Variants in EYS observed in about 807,000 individuals in gnomAD.
EYS encodes the protein protein eyes shut homolog.
EYS carries 250 observed loss-of-function variants against 282.1 expected under a neutral mutation model. That is an observed-to-expected ratio of 0.89 (90% CI 0.80 to 0.98). The LOEUF is 0.98. EYS is among the 50% of genes least tolerant of loss of function. The pLI, the probability that EYS is intolerant of heterozygous loss-of-function variation, is 0.00. For missense variants in EYS, 4,016 were observed against 3,709.0 expected (o/e 1.08, Z -2.15); for synonymous variants, 1,355 against 1,282.9 (o/e 1.06, Z -1.20).
At chr6:65,226,649 T>C (rs918941062) in intron 12 of EYS, among the ~76,000 whole-genome samples, 1 of 152,146 alleles carries the variant, frequency 6.6e-6, no homozygotes, top group Admixed American at 6.5e-5. Context: ...TGTGGAAACA[T>C]TATGACCTTC....
At chr6:65,588,910 T>C (rs1765143269) in intron 2 of EYS, among the ~76,000 whole-genome samples, 1 of 152,080 alleles carries the variant, frequency 6.6e-6, no homozygotes, top group Admixed American at 6.6e-5. Context: ...GAAATATATA[T>C]GATCTTAGAG....
At chr6:64,176,557 C>A (rs1296565365) in intron 31 of EYS, among the ~76,000 whole-genome samples, 2 of 150,940 alleles carry the variant, frequency 1.3e-5, no homozygotes, top group Non-Finnish European at 3.0e-5. Flanking sequence ...CGTGAAGTTT[C>A]TTTTGAAATT....
chr6:63,915,050 A>G (rs1764386061), intron 35 of EYS, among the ~76,000 whole-genome samples: 1 of 152,202 alleles, frequency 6.6e-6, no homozygotes, highest in African/African-American at 2.4e-5. Context: ...TACACTAAAC[A>G]ATAGATTTTT....
rs548314991 is a variant in EYS, at chr6:64,928,815, A to T, written c.2382-16072T>A. 8.1e-4 allele frequency among the ~76,000 whole-genome samples: 124 copies of T among 152,240 alleles called. 1 individual carries two copies. The East Asian group carries it at 0.021, about 25-fold the overall frequency. ...CTATGTGAAATAATGAGATAACCTA[A>T]TACGGAATGATTTTTTTCTAACTAC... On this transcript the variant is annotated intron_variant, in intron 15 of 42. Transcript: ENST00000503581.
rs541980946 is a variant in EYS, at chr6:64,961,316, A to T, written c.2260-15402T>A. Among the ~76,000 whole-genome samples, 5 of 152,150 alleles carry T rather than the reference A, an allele frequency of 3.3e-5. No individual in the cohort carries two copies. In the South Asian group the frequency reaches 1.0e-3, roughly 32 times the overall value. On this transcript the variant is annotated intron_variant, in intron 14 of 42. Transcript: ENST00000503581. ...TGTTTCCCAAAGGAACATTTTGGTC[A>T]GTGGTGTTGTATGTATCTGTTGTTG... is the stretch of plus-strand genomic sequence containing the variant.
intron 14 of EYS, among the ~76,000 whole-genome samples, chr6:64,985,015 T>C (rs1057117100): frequency 1.3e-5 from 2 of 151,500 alleles, no homozygotes; most frequent in African/African-American, 4.8e-5. Flanking sequence ...CCTTGACATA[T>C]ATTAATTTTC....
intron 36 of EYS, among the ~76,000 whole-genome samples, chr6:63,827,861 A>ATAAAAT (rs1771517369): frequency 4.2e-5 from 6 of 143,524 alleles, no homozygotes; most frequent in Admixed American, 2.7e-4. Flanking sequence ...AAAAAAAAAA[A>ATAAAAT]AAAAAAAAAA....
chr6:65,693,639 G>T (rs1330167137), intron 1 of EYS, among the ~76,000 whole-genome samples: 4 of 149,892 alleles, frequency 2.7e-5, no homozygotes. Context: ...GAAAATTATA[G>T]AATTTCAAGT....
At chr6:65,312,537 C>G (rs1346762358) in intron 11 of EYS, among the ~76,000 whole-genome samples, 1 of 152,164 alleles carries the variant, frequency 6.6e-6, no homozygotes, top group Non-Finnish European at 1.5e-5. Context: ...CATTCTATCC[C>G]CTCATCCCCC....
At chr6:64,466,640 A>AAGG (rs1314795330) in intron 26 of EYS, among the ~76,000 whole-genome samples, 1 of 152,140 alleles carries the variant, frequency 6.6e-6, no homozygotes, top group Non-Finnish European at 1.5e-5. Flanking sequence ...TACAGTGTCA[A>AAGG]TTAGAAGGAG....
At chr6:64,404,097 G>A (rs1368038077) in intron 28 of EYS, among the ~76,000 whole-genome samples, 2 of 152,166 alleles carry the variant, frequency 1.3e-5, no homozygotes, top group East Asian at 3.9e-4. Flanking sequence ...TCCCTAGTCA[G>A]ATTAGTCACA....
At chr6:65,015,082 T>A (rs1268344544) in intron 13 of EYS, among the ~76,000 whole-genome samples, 2 of 152,064 alleles carry the variant, frequency 1.3e-5, no homozygotes, top group African/African-American at 4.8e-5. Flanking sequence ...AAAATAGAAG[T>A]CTTCAGAAGC....
chr6:64,115,290 C>T (rs1173909833), intron 31 of EYS, among the ~76,000 whole-genome samples: 1 of 152,104 alleles, frequency 6.6e-6, no homozygotes. Context: ...CCACCATTGC[C>T]CTGAACCCTG....
At chr6:65,580,149 C>T (rs757184366) in intron 2 of EYS, among the ~76,000 whole-genome samples, 2 of 151,964 alleles carry the variant, frequency 1.3e-5, no homozygotes, top group Non-Finnish European at 2.9e-5. Context: ...TATCTGTATC[C>T]TCAGGAAGGA....
chr6:64,994,873 A>G (rs1205337966), intron 14 of EYS, among the ~76,000 whole-genome samples: 1 of 152,184 alleles, frequency 6.6e-6, no homozygotes, highest in Admixed American at 6.5e-5. Flanking sequence ...TTTGAGCAAG[A>G]AAGCATTAAC....
intron 18 of EYS, among the ~76,000 whole-genome samples, chr6:64,896,225 T>C (rs1288503846): frequency 6.6e-6 from 1 of 152,070 alleles, no homozygotes; most frequent in Non-Finnish European, 1.5e-5. Flanking sequence ...CATTTCCAAC[T>C]GAGGTACCCA....
chr6:65,326,949 C>A (rs979217803), intron 11 of EYS, among the ~76,000 whole-genome samples: 1 of 151,494 alleles, frequency 6.6e-6, no homozygotes, highest in Non-Finnish European at 1.5e-5. Context: ...TAAATCAATT[C>A]TTTTATTTTA....
intron 28 of EYS, among the ~76,000 whole-genome samples, chr6:64,418,056 G>C (rs190332554): frequency 2.0e-5 from 3 of 152,198 alleles, no homozygotes; most frequent in Admixed American, 1.3e-4. Flanking sequence ...TGATTGTTTA[G>C]ATTCCAGAGT....
chr6:63,959,908 T>A (rs1765982385), intron 35 of EYS, among the ~76,000 whole-genome samples: 1 of 151,988 alleles, frequency 6.6e-6, no homozygotes, highest in African/African-American at 2.4e-5. Context: ...AGCTAATGCA[T>A]GTGGGGCTTA....
Sources: gnomAD v4.1 joint callset for allele counts (sites outside exome capture counted in the v4.1 genomes callset) on GRCh38, gnomAD v4.1.1 for gene constraint, MANE v1.5 for transcripts, NCBI Gene and HGNC (gene_info 2026-07-23, HGNC 2026-07-21) for gene names.